Variants in DLG2 observed in about 807,000 individuals in gnomAD.
The protein encoded by DLG2 is disks large homolog 2.
DLG2 carries 45 observed loss-of-function variants against 132.5 expected under a neutral mutation model. The ratio of observed to expected loss-of-function variants is 0.34; its 90% CI spans 0.27 to 0.44. The LOEUF is 0.44. DLG2 is among the 20% of genes least tolerant of loss of function. DLG2 has a pLI of 1.00. For missense variants in DLG2, 1,045 were observed against 1,196.9 expected (o/e 0.87, Z 1.87); for synonymous variants, 424 against 419.6 (o/e 1.01, Z -0.13).
chr11:83,533,128 A>G (rs2095799069), intron 20 of DLG2, among the ~76,000 whole-genome samples: 1 of 152,150 alleles, frequency 6.6e-6, no homozygotes. Flanking sequence ...TATATTGGAG[A>G]CTAAACAAGT....
chr11:84,779,136 T>C (rs530557660), intron 6 of DLG2, among the ~76,000 whole-genome samples: 3 of 152,132 alleles, frequency 2.0e-5, no homozygotes, highest in African/African-American at 7.2e-5. Flanking sequence ...GACTTCACGT[T>C]GTGATTGTGT....
chr11:84,165,802 G>T (rs947487361), intron 8 of DLG2, among the ~76,000 whole-genome samples: 1 of 152,122 alleles, frequency 6.6e-6, no homozygotes, highest in African/African-American at 2.4e-5. Flanking sequence ...AGAGGCTGAG[G>T]CAGAAGAATT....
intron 6 of DLG2, among the ~76,000 whole-genome samples, chr11:85,098,900 C>A (rs1245926244): frequency 6.6e-6 from 1 of 152,172 alleles, no homozygotes; most frequent in African/African-American, 2.4e-5. Flanking sequence ...TCACTGCTAT[C>A]CCTTCTCCAC....
chr11:84,105,717 A>G (rs2092858923), intron 9 of DLG2, among the ~76,000 whole-genome samples: 1 of 152,142 alleles, frequency 6.6e-6, no homozygotes, highest in South Asian at 2.1e-4. Flanking sequence ...AAAAGACTCA[A>G]ATAATGTTCT....
At chr11:85,019,509 G>C (rs993624360) in intron 6 of DLG2, among the ~76,000 whole-genome samples, 1 of 151,912 alleles carries the variant, frequency 6.6e-6, no homozygotes, top group Non-Finnish European at 1.5e-5. Context: ...TGGGGTACTT[G>C]TGCACAATGT....
intron 3 of DLG2, among the ~76,000 whole-genome samples, chr11:85,542,608 T>C (rs759087324): frequency 3.3e-5 from 5 of 152,224 alleles, no homozygotes; most frequent in Non-Finnish European, 4.4e-5. Flanking sequence ...TCCTGACTTG[T>C]TGGCTCTGGG....
At chr11:85,506,002 T>C (rs992153862) in intron 3 of DLG2, among the ~76,000 whole-genome samples, 25 of 152,238 alleles carry the variant, frequency 1.6e-4, no homozygotes, top group African/African-American at 5.8e-4. Flanking sequence ...CTAATTTATT[T>C]GCATAGAGGT....
intron 9 of DLG2, among the ~76,000 whole-genome samples, chr11:84,145,518 A>G (rs1263594319): frequency 1.3e-5 from 2 of 152,204 alleles, no homozygotes; most frequent in Non-Finnish European, 2.9e-5. Context: ...TTGTATAGGC[A>G]GTTTGTCATT....
chr11:84,660,526 G>C (rs1352940907), intron 6 of DLG2, among the ~76,000 whole-genome samples: 1 of 152,030 alleles, frequency 6.6e-6, no homozygotes, highest in Non-Finnish European at 1.5e-5. Context: ...AAATATGATG[G>C]GCAGACCAAC....
At chr11:84,770,263 C>T (rs1243014830) in intron 6 of DLG2, among the ~76,000 whole-genome samples, 10 of 152,196 alleles carry the variant, frequency 6.6e-5, no homozygotes, top group Admixed American at 1.3e-4. Flanking sequence ...TGGTGTCATG[C>T]TTCCTATACA....
At chr11:84,341,424 T>C (rs999343084) in intron 7 of DLG2, among the ~76,000 whole-genome samples, 3 of 152,212 alleles carry the variant, frequency 2.0e-5, no homozygotes, top group African/African-American at 7.2e-5. Flanking sequence ...TTTGTTGGCA[T>C]TGTTTACATA....
At chr11:83,559,176 G>A (rs947031212) in intron 19 of DLG2, among the ~76,000 whole-genome samples, 8 of 152,028 alleles carry the variant, frequency 5.3e-5, no homozygotes, top group African/African-American at 1.7e-4. Flanking sequence ...AATGAACAAA[G>A]GCATCGACTT....
At chr11:85,351,883 G>A (rs907955370) in intron 3 of DLG2, among the ~76,000 whole-genome samples, 40 of 152,018 alleles carry the variant, frequency 2.6e-4, no homozygotes, top group Admixed American at 2.2e-3. Flanking sequence ...TTTTTGTTGC[G>A]TCCCTGTCAG....
intron 19 of DLG2, among the ~76,000 whole-genome samples, chr11:83,571,648 T>G (rs34081304): frequency 0.05 from 7,522 of 150,818 alleles, 218 homozygotes; most frequent in South Asian, 0.12. Flanking sequence ...TGTGCATTAA[T>G]AAGCACGATG....
At chr11:85,333,271 A>G (rs1398096314) in intron 3 of DLG2, among the ~76,000 whole-genome samples, 1 of 152,120 alleles carries the variant, frequency 6.6e-6, no homozygotes, top group African/African-American at 2.4e-5. Flanking sequence ...AAATGCTACT[A>G]ATTCCTGTAC....
At chr11:84,216,728 C>G (rs932002456) in intron 8 of DLG2, among the ~76,000 whole-genome samples, 3 of 152,068 alleles carry the variant, frequency 2.0e-5, no homozygotes, top group Non-Finnish European at 4.4e-5. Flanking sequence ...GTGGAGAGAC[C>G]ATATAGTGGG....
chr11:84,591,413 T>A (rs1305617503), intron 6 of DLG2, among the ~76,000 whole-genome samples: 2 of 151,542 alleles, frequency 1.3e-5, no homozygotes, highest in African/African-American at 4.9e-5. Flanking sequence ...ATGCCTGTAA[T>A]CCCAGGACTT....
chr11:84,095,296 G>A (rs1468745090), intron 10 of DLG2, among the ~76,000 whole-genome samples: 1 of 152,176 alleles, frequency 6.6e-6, no homozygotes, highest in East Asian at 1.9e-4. Context: ...CCATAGCTAA[G>A]GAGTTCGGTT....
chr11:83,799,345 GT>G (rs1198529567), intron 17 of DLG2, among the ~76,000 whole-genome samples: 1 of 152,208 alleles, frequency 6.6e-6, no homozygotes, highest in Non-Finnish European at 1.5e-5. Flanking sequence ...TTGGACCTGT[GT>G]TTATGGGAGA....
Sources: allele counts gnomAD v4.1 joint callset (sites outside exome capture counted in the v4.1 genomes callset), GRCh38; gene constraint gnomAD v4.1.1; transcripts MANE v1.5; gene names NCBI Gene and HGNC (gene_info 2026-07-23, HGNC 2026-07-21).